OSBPL6: variants seen among roughly 807,000 people sequenced by gnomAD.
OSBPL6 encodes the protein oxysterol-binding protein-related protein 6.
OSBPL6 carries 49 observed loss-of-function variants against 125.8 expected under a neutral mutation model. That is an observed-to-expected ratio of 0.39 (90% confidence interval 0.31 to 0.49). The LOEUF (loss-of-function observed/expected upper bound fraction) is 0.49. Among genes scored for constraint, OSBPL6 ranks in the 20% least tolerant of loss-of-function variants. OSBPL6 has a pLI of 0.88. For missense variants in OSBPL6, 986 were observed against 1,135.4 expected (o/e 0.87, Z 1.89); for synonymous variants, 394 against 391.8 (o/e 1.01, Z -0.07).
chr2:178,384,308 G>A, intron 18 of OSBPL6, 132 bp downstream of exon 18: 1 of 1,208,354 alleles, frequency 8.3e-7, no homozygotes, highest in East Asian at 2.4e-5. Flanking sequence ...TCTGAGACAG[G>A]TCTTAATCAG....
chr2:178,269,492 A>G (rs941974549), intron 1 of OSBPL6, among the ~76,000 whole-genome samples: 1 of 152,232 alleles, frequency 6.6e-6, no homozygotes, highest in African/African-American at 2.4e-5. Context: ...TGGTCATACC[A>G]ATTCATTTTC....
At chr2:178,289,765 C>A (rs1380539617) in intron 2 of OSBPL6, among the ~76,000 whole-genome samples, 1 of 152,148 alleles carries the variant, frequency 6.6e-6, no homozygotes, top group Non-Finnish European at 1.5e-5. Context: ...GAAGTTAAGC[C>A]ACTTTGGGAA....
intron 19 of OSBPL6, 117 bp from the exon 20 acceptor site, chr2:178,386,943 TA>T (rs1297800840): frequency 2.5e-5 from 14 of 568,526 alleles, no homozygotes; most frequent in Non-Finnish European, 4.2e-5. Context: ...AAATCAGCAA[TA>T]TAGAATCAGT....
intron 11 of OSBPL6, among the ~76,000 whole-genome samples, chr2:178,340,658 T>C (rs1233890485): frequency 6.6e-6 from 1 of 152,080 alleles, no homozygotes; most frequent in Non-Finnish European, 1.5e-5. Flanking sequence ...GACTTTATGA[T>C]TTGACTTTTT....
intron 11 of OSBPL6, among the ~76,000 whole-genome samples, chr2:178,343,052 A>G (rs548043548): frequency 6.6e-6 from 1 of 152,202 alleles, no homozygotes; most frequent in Non-Finnish European, 1.5e-5. Flanking sequence ...CAGAAGACTT[A>G]TGAAGATGGA....
chr2:178,245,129 C>A (rs2091443938), intron 1 of OSBPL6, among the ~76,000 whole-genome samples: 1 of 152,152 alleles, frequency 6.6e-6, no homozygotes, highest in Non-Finnish European at 1.5e-5. Flanking sequence ...TAGTGGGTTT[C>A]CACCACATCA....
At chr2:178,339,797 C>G in intron 11 of OSBPL6, 33 bp downstream of exon 11, 1 of 1,518,814 alleles carries the variant, frequency 6.6e-7, no homozygotes, top group South Asian at 1.2e-5. Context: ...ATTCACGTTT[C>G]TACATATTTT....
At chr2:178,240,966 A>G (rs2091264876) in intron 1 of OSBPL6, among the ~76,000 whole-genome samples, 1 of 152,286 alleles carries the variant, frequency 6.6e-6, no homozygotes, top group African/African-American at 2.4e-5. Context: ...TATAGTGGGA[A>G]ATAATTATTG....
chr2:178,306,154 A>T lies in OSBPL6; in HGVS notation c.-31A>T. On this transcript the variant is annotated 5_prime_UTR_variant, in exon 3 of 25. The change creates a premature stop within an existing upstream ORF in the 5' untranslated region. Coordinates refer to ENST00000190611, the MANE Select transcript of OSBPL6 (RefSeq NM_032523.4). ...TTTGAGAGAAGATTGGGATGGTCTT[A>T]AGTGCATAAAACGAGACTCTAACTG... 1 of 1,339,238 alleles carries T rather than the reference A, an allele frequency of 7.5e-7. No homozygotes were observed. The highest frequency in any genetic ancestry group is 1.1e-6 in the Non-Finnish European group (1 of 929,642). 83.0% of individuals were successfully genotyped at this position (1,339,238 alleles called of 1,614,324 possible).
chr2:178,349,090 G>T, intron 11 of OSBPL6, 134 bp from the exon 12 acceptor site: 1 of 942,810 alleles, frequency 1.1e-6, no homozygotes, highest in East Asian at 2.4e-5. Flanking sequence ...CAAAATAAAT[G>T]AGTACTGAGT....
At chr2:178,267,683 T>C (rs977891309) in intron 1 of OSBPL6, among the ~76,000 whole-genome samples, 5 of 152,198 alleles carry the variant, frequency 3.3e-5, no homozygotes, top group African/African-American at 9.7e-5. Context: ...TGTGAAATTG[T>C]CACCTGCCTG....
chr2:178,279,239 T>A (rs559850610), intron 1 of OSBPL6, among the ~76,000 whole-genome samples: 1 of 152,342 alleles, frequency 6.6e-6, no homozygotes, highest in East Asian at 1.9e-4. Context: ...TCTTGGTTTC[T>A]GATGGGCTTG....
chr2:178,387,603 G>T (rs1189324281), intron 20 of OSBPL6, among the ~76,000 whole-genome samples: 1 of 152,180 alleles, frequency 6.6e-6, no homozygotes, highest in Non-Finnish European at 1.5e-5. Flanking sequence ...GGACTTGATT[G>T]TTTCTTCGGT....
chr2:178,361,933 A>G (rs1692399524), intron 13 of OSBPL6, 118 bp downstream of exon 13: 1 of 1,245,204 alleles, frequency 8.0e-7, no homozygotes, highest in East Asian at 2.7e-5. Flanking sequence ...TACAGTTTGC[A>G]GAATTTCCCC....
intron 1 of OSBPL6, among the ~76,000 whole-genome samples, chr2:178,205,652 A>T (rs56158211): frequency 0.04 from 6,151 of 152,272 alleles, 177 homozygotes; most frequent in South Asian, 0.09. Flanking sequence ...GAGGACAAAA[A>T]ATCAAGCAGC....
intron 1 of OSBPL6, among the ~76,000 whole-genome samples, chr2:178,231,503 G>A (rs890281397): frequency 6.6e-6 from 1 of 151,912 alleles, no homozygotes; most frequent in Non-Finnish European, 1.5e-5. Flanking sequence ...AATTATTTTG[G>A]GGCTGCTTGT....
chr2:178,250,712 T>G (rs965748626), intron 1 of OSBPL6, among the ~76,000 whole-genome samples: 2 of 152,242 alleles, frequency 1.3e-5, no homozygotes, highest in African/African-American at 4.8e-5. Context: ...ATTTTAAATG[T>G]CACTTCCACA....
intron 1 of OSBPL6, among the ~76,000 whole-genome samples, chr2:178,267,610 A>G (rs1386846860): frequency 6.6e-6 from 1 of 152,160 alleles, no homozygotes; most frequent in Non-Finnish European, 1.5e-5. Flanking sequence ...GAAAACCCAG[A>G]GAAAAAGAAC....
intron 2 of OSBPL6, among the ~76,000 whole-genome samples, chr2:178,300,422 G>T (rs977113779): frequency 6.6e-6 from 1 of 152,198 alleles, no homozygotes; most frequent in Non-Finnish European, 1.5e-5. Context: ...CCATAGAGAG[G>T]GTAAGGGAGG....
Sources: gnomAD v4.1 joint callset for allele counts (sites outside exome capture counted in the v4.1 genomes callset) on GRCh38, gnomAD v4.1.1 for gene constraint, MANE v1.5 for transcripts, NCBI Gene and HGNC (gene_info 2026-07-23, HGNC 2026-07-21) for gene names.